Variants in PTPRN2 observed in about 807,000 individuals in gnomAD.
The protein encoded by PTPRN2 is receptor-type tyrosine-protein phosphatase N2.
In PTPRN2, 74 loss-of-function variants were observed where a neutral mutation model predicts 118.8. The ratio of observed to expected loss-of-function variants is 0.62; its 90% CI spans 0.52 to 0.76. PTPRN2 has a LOEUF of 0.76. Among genes scored for constraint, PTPRN2 ranks in the 30% least tolerant of loss-of-function variants. PTPRN2 has a pLI of 0.00. For missense variants in PTPRN2, 1,481 were observed against 1,394.4 expected, an observed-to-expected ratio of 1.06 and a Z score of -0.99; for synonymous variants, 641 against 608.0, an observed-to-expected ratio of 1.05 and a Z score of -0.80.
At chr7:157,727,166 G>T (rs1799649419) in intron 12 of PTPRN2, among the ~76,000 whole-genome samples, 1 of 152,210 alleles carries the variant, frequency 6.6e-6, no homozygotes, top group South Asian at 2.1e-4. Context: ...GTCTTGAAGA[G>T]GTATTTGCAC....
At chr7:158,362,223 C>A (rs374093426) in intron 2 of PTPRN2, among the ~76,000 whole-genome samples, 8 of 152,134 alleles carry the variant, frequency 5.3e-5, no homozygotes, top group Non-Finnish European at 8.8e-5. Context: ...GAGGAGGAGG[C>A]AGAAGAGGCC....
At chr7:158,132,600 TAC>T (rs1818450422) in intron 9 of PTPRN2, among the ~76,000 whole-genome samples, 1 of 84,728 alleles carries the variant, frequency 1.2e-5, no homozygotes, top group Admixed American at 1.3e-4. Context: ...TATGCACAGA[TAC>T]ATGTCTACCC....
intron 11 of PTPRN2, among the ~76,000 whole-genome samples, chr7:158,074,921 G>A (rs185954372): frequency 5.3e-4 from 80 of 152,336 alleles, no homozygotes; most frequent in African/African-American, 1.8e-3. Flanking sequence ...GCTGAGCAAC[G>A]CAGTTTCCTA....
intron 2 of PTPRN2, among the ~76,000 whole-genome samples, chr7:158,333,987 G>GCCCGCAGAGGTCACTC (rs1805062287): frequency 2.9e-4 from 3 of 10,274 alleles, no homozygotes; most frequent in Non-Finnish European, 7.3e-4. Context: ...CATAAGAGCC[G>GCCCGCAGAGGTCACTC]ACACCCGCAG....
chr7:158,076,832 C>T lies in PTPRN2; in HGVS notation c.1723+4466G>A, dbSNP rs760285855. On this transcript the variant is annotated intron_variant, in intron 11 of 22. Transcript: ENST00000389418. Reference sequence around the variant, plus strand: ...ACTCCCGTCTGAACAGCCCTGGCACCGGGGTTGGGGGGAGCTTCTGGAGGG... The same window carrying T: ...ACTCCCGTCTGAACAGCCCTGGCACTGGGGTTGGGGGGAGCTTCTGGAGGG... Among the ~76,000 whole-genome samples, 147 of 152,162 alleles carry T rather than the reference C, an allele frequency of 9.7e-4. 3 individuals carry two copies. The highest frequency in any genetic ancestry group is 3.1e-4 in the Non-Finnish European group (21 of 68,020).
intron 3 of PTPRN2, among the ~76,000 whole-genome samples, chr7:158,307,490 G>A (rs183352873): frequency 9.9e-5 from 15 of 152,236 alleles, no homozygotes; most frequent in African/African-American, 3.6e-4. Flanking sequence ...AGATGTAGGA[G>A]AGGAAGAATG....
chr7:158,014,352 C>G (rs1806279912), intron 11 of PTPRN2, among the ~76,000 whole-genome samples: 1 of 151,144 alleles, frequency 6.6e-6, no homozygotes, highest in African/African-American at 2.4e-5. Flanking sequence ...TCCATCTACC[C>G]ACACACCCAT....
chr7:158,034,575 C>G (rs1268640888), intron 11 of PTPRN2, among the ~76,000 whole-genome samples: 2 of 152,218 alleles, frequency 1.3e-5, no homozygotes, highest in Non-Finnish European at 2.9e-5. Context: ...CCACATGGAA[C>G]TGTAAGTCCA....
chr7:157,834,917 T>C (rs560578083), intron 12 of PTPRN2, among the ~76,000 whole-genome samples: 1 of 152,334 alleles, frequency 6.6e-6, no homozygotes, highest in African/African-American at 2.4e-5. Flanking sequence ...AACATTGACC[T>C]GTCCGCCTAC....
chr7:158,247,659 C>A (rs1416706676), intron 3 of PTPRN2, among the ~76,000 whole-genome samples: 1 of 152,140 alleles, frequency 6.6e-6, no homozygotes, highest in Non-Finnish European at 1.5e-5. Context: ...TCTTGTGGCC[C>A]AGGCTGGAGT....
Position 157,627,184 on chromosome 7 carries a change from G to T in PTPRN2, c.2197-5675C>A, listed in dbSNP as rs1413230211. ...CCAGTGTGCACCGCACCTGCAGCTGGGTCTCCTCCGGGGCGTGAGCTCCTG... is the reference window on the plus strand; with the variant it reads ...CCAGTGTGCACCGCACCTGCAGCTGTGTCTCCTCCGGGGCGTGAGCTCCTG... On this transcript the variant is annotated intron_variant, in intron 14 of 22. Transcript: ENST00000389418. This position sits in a 1 kb window ranked among gnomAD's most constrained non-coding sequence, Gnocchi z 4.2. 6.6e-6 allele frequency among the ~76,000 whole-genome samples: 1 copy of T among 151,538 alleles called. No homozygotes were observed. The highest frequency in any genetic ancestry group is 1.5e-5 in the Non-Finnish European group (1 of 67,990).
At position 158,090,064 on chromosome 7, in the gene PTPRN2, CTTCCTCCCCT is replaced by C. The variant is rs1378053914; in HGVS notation, c.1644-8697_1644-8688del. ...GAAAGAGGGAGTCTTCACACAAACC[CTTCCTCCCCT>C]GATGAAAGAGGGGGTCTTCACACAC... On this transcript the variant is annotated intron_variant, in intron 10 of 22. Coordinates refer to ENST00000389418, the MANE Select transcript of PTPRN2 (RefSeq NM_002847.5). Among the ~76,000 whole-genome samples, 3 of 108,244 alleles carry C rather than the reference CTTCCTCCCCT, an allele frequency of 2.8e-5. 1 individual carries two copies. Among genetic ancestry groups the C allele is most frequent in the South Asian group, 8.5e-4 (2 of 2,340 alleles). The allele number at this position is 108,244 out of a possible 152,430, so 71.0% of individuals were successfully genotyped here. A position where few individuals can be genotyped will look rare whatever the true frequency, so the allele number is the denominator to read the frequency against.
rs189129524 is a variant in PTPRN2 at position 158,068,974 on chromosome 7, C to T, written c.1723+12324G>A. 4.0e-4 allele frequency among the ~76,000 whole-genome samples: 61 copies of T among 152,302 alleles called. 1 individual carries two copies. Among genetic ancestry groups the T allele is most frequent in the Admixed American group, 3.0e-3 (46 of 15,288 alleles). ...GATTGAAACTTCCCTTCCCAAGCTGCCTGCCAGAGGATGTGATAACCCTGC... is the reference window on the plus strand; with the variant it reads ...GATTGAAACTTCCCTTCCCAAGCTGTCTGCCAGAGGATGTGATAACCCTGC... On this transcript the variant is annotated intron_variant, in intron 11 of 22. Transcript: ENST00000389418.
intron 11 of PTPRN2, among the ~76,000 whole-genome samples, chr7:157,995,675 G>A (rs1804671344): frequency 6.6e-6 from 1 of 152,276 alleles, no homozygotes; most frequent in Non-Finnish European, 1.5e-5. Context: ...GGCATGGGCA[G>A]CCTGCTTTGC....
chr7:158,561,644 T>G (rs968510901), intron 1 of PTPRN2, among the ~76,000 whole-genome samples: 14 of 152,196 alleles, frequency 9.2e-5, no homozygotes, highest in African/African-American at 3.4e-4. Context: ...TGGTCAGAAA[T>G]GCAGAATATT....
intron 1 of PTPRN2, among the ~76,000 whole-genome samples, chr7:158,580,530 T>C (rs570597665): frequency 1.3e-5 from 2 of 152,262 alleles, no homozygotes; most frequent in Non-Finnish European, 1.5e-5. Context: ...CATCACATGA[T>C]AGAAAATTCT....
At position 158,428,259 on chromosome 7, in the gene PTPRN2, A is replaced by G. The variant is rs73520501; in HGVS notation, c.163+61476T>C. ...TCATTTTTAACAGTAATAAAACATGAGGTGGTGAAGGCACAGCGGCGTCGG... is the reference window on the plus strand; with the variant it reads ...TCATTTTTAACAGTAATAAAACATGGGGTGGTGAAGGCACAGCGGCGTCGG... On this transcript the variant is annotated intron_variant, in intron 2 of 22. Coordinates refer to ENST00000389418, the MANE Select transcript of PTPRN2 (RefSeq NM_002847.5). 4.5e-3 allele frequency among the ~76,000 whole-genome samples: 669 copies of G among 147,250 alleles called. 10 individuals carry two copies. The highest frequency in any genetic ancestry group is 0.017 in the African/African-American group (639 of 36,820).
rs1823631535 is a variant in PTPRN2, at chr7:158,517,134, G to C, written c.113-27349C>G. ...CCACTTGACAAAGGCCAGCAGGACA[G>C]AACAGTACAACGCTGGTTCCACAGT... On this transcript the variant is annotated intron_variant, in intron 1 of 22. Transcript: ENST00000389418. This position sits in a 1 kb window ranked among gnomAD's most constrained non-coding sequence, Gnocchi z 5.3. 6.6e-6 allele frequency among the ~76,000 whole-genome samples: 1 copy of C among 152,212 alleles called. No homozygotes were observed. Among genetic ancestry groups the C allele is most frequent in the East Asian group, 1.9e-4 (1 of 5,188 alleles).
At chr7:157,969,295 A>G (rs961357101) in intron 11 of PTPRN2, among the ~76,000 whole-genome samples, 2 of 152,082 alleles carry the variant, frequency 1.3e-5, no homozygotes, top group African/African-American at 2.4e-5. Flanking sequence ...TTCTTTGTAG[A>G]GACGGGATCT....
Sources: allele counts gnomAD v4.1 joint callset (sites outside exome capture counted in the v4.1 genomes callset), GRCh38; gene constraint gnomAD v4.1.1; non-coding constraint Gnocchi (gnomAD v3.1); transcripts MANE v1.5; gene names NCBI Gene and HGNC (gene_info 2026-07-23, HGNC 2026-07-21).